PTPRK: variants seen among roughly 807,000 people sequenced by gnomAD.
The protein encoded by PTPRK is receptor-type tyrosine-protein phosphatase kappa.
A neutral mutation model predicts 178.0 loss-of-function variants in PTPRK; 75 were observed. That is an observed-to-expected ratio of 0.42 (90% CI 0.35 to 0.51). The LOEUF is 0.51. Ranked by LOEUF, PTPRK falls within the 20% of genes least tolerant of loss-of-function variation. The probability of loss-of-function intolerance (pLI) is 0.02; values close to 1 mark genes in which losing one functional copy is unlikely to be tolerated. For synonymous variants in PTPRK, 637 were observed against 620.6 expected (o/e 1.03, Z -0.39); for missense variants, 1,441 against 1,797.8 (o/e 0.80, Z 3.59).
In PTPRK at chr6:128,390,829, G is replaced by C. The variant is rs140028714; in HGVS notation, c.223+6737C>G. Among the ~76,000 whole-genome samples, 846 of 152,194 alleles carry C rather than the reference G, an allele frequency of 5.6e-3. 3 individuals are homozygous for C. Among genetic ancestry groups the C allele is most frequent in the South Asian group, 0.023 (112 of 4,822 alleles). On this transcript the variant is annotated intron_variant, in intron 2 of 29. Transcript: ENST00000368226. ...ATTAGAAGATACATGTCATGTCCCT[G>C]GTATAGTAAAACTCAGTAAGTGACC...
rs150783549 is a variant in PTPRK, at chr6:128,277,921, C to T, written c.496-35319G>A. 2.2e-3 allele frequency among the ~76,000 whole-genome samples: 337 copies of T among 151,996 alleles called. 1 individual carries two copies. The highest frequency in any genetic ancestry group is 4.0e-3 in the Non-Finnish European group (269 of 67,940). On this transcript the variant is annotated intron_variant, in intron 3 of 29. Transcript: ENST00000368226. ...GACAAAAATGGGCATGATATGAGAA[C>T]ATGAGAACAAATACAGTCCAAATAT...
chr6:128,098,464 A>G (rs1788257120), intron 7 of PTPRK, among the ~76,000 whole-genome samples: 1 of 152,130 alleles, frequency 6.6e-6, no homozygotes, highest in Admixed American at 6.6e-5. Context: ...CATGTGGAAC[A>G]GAGCCAAGTT....
At chr6:128,321,102 G>C (rs973215520) in intron 3 of PTPRK, 1 of 151,970 alleles carries the variant, frequency 6.6e-6, no homozygotes, top group East Asian at 1.9e-4. Flanking sequence ...CTAACTTAAA[G>C]ACATAATTCA....
At chr6:128,066,014 C>T (rs1582820433) in intron 12 of PTPRK, among the ~76,000 whole-genome samples, 3 of 152,050 alleles carry the variant, frequency 2.0e-5, no homozygotes, top group African/African-American at 7.3e-5. Flanking sequence ...TATCAAAAAG[C>T]TTTAAAGAAT....
intron 13 of PTPRK, among the ~76,000 whole-genome samples, chr6:128,020,862 G>T (rs1330699983): frequency 1.3e-5 from 2 of 152,166 alleles, no homozygotes; most frequent in East Asian, 1.9e-4. Flanking sequence ...TTCCACCAAG[G>T]CTTCGATAAT....
chr6:128,121,715 T>C (rs564307728), intron 7 of PTPRK, among the ~76,000 whole-genome samples: 1 of 152,162 alleles, frequency 6.6e-6, no homozygotes, highest in East Asian at 1.9e-4. Context: ...TTGGACTCTG[T>C]ACCTTCCAAA....
At chr6:128,489,313 T>A (rs983688509) in intron 1 of PTPRK, among the ~76,000 whole-genome samples, 6 of 152,206 alleles carry the variant, frequency 3.9e-5, no homozygotes, top group Non-Finnish European at 7.3e-5. Flanking sequence ...AAAAACTGCA[T>A]AAATTGTTCC....
chr6:128,332,422 C>T (rs1024057148), intron 2 of PTPRK, among the ~76,000 whole-genome samples: 3 of 152,188 alleles, frequency 2.0e-5, no homozygotes, highest in Admixed American at 2.0e-4. Context: ...TGTCTTGTTT[C>T]CTCATCTTGA....
chr6:128,108,286 C>T (rs569937595), intron 7 of PTPRK, among the ~76,000 whole-genome samples: 4 of 152,102 alleles, frequency 2.6e-5, no homozygotes, highest in African/African-American at 9.6e-5. Flanking sequence ...ATAGCTAAGA[C>T]ATTATCAATA....
chr6:128,068,916 AAG>A (rs1424671632), intron 11 of PTPRK, among the ~76,000 whole-genome samples: 1 of 151,586 alleles, frequency 6.6e-6, no homozygotes, highest in Non-Finnish European at 1.5e-5. Flanking sequence ...ATGAAAAAGA[AAG>A]AGGTGGGTAG....
chr6:128,197,969 A>C (rs1488779488), intron 6 of PTPRK, among the ~76,000 whole-genome samples: 1 of 152,214 alleles, frequency 6.6e-6, no homozygotes, highest in East Asian at 1.9e-4. Flanking sequence ...CCAATTTTCA[A>C]TTAGCCAGTG....
At chr6:128,471,056 T>C (rs1484009889) in intron 1 of PTPRK, among the ~76,000 whole-genome samples, 2 of 152,034 alleles carry the variant, frequency 1.3e-5, no homozygotes, top group Non-Finnish European at 1.5e-5. Context: ...TGATAATGCC[T>C]TCAATAAATA....
intron 2 of PTPRK, among the ~76,000 whole-genome samples, chr6:128,378,122 T>G (rs1316059534): frequency 6.6e-6 from 1 of 152,132 alleles, no homozygotes; most frequent in South Asian, 2.1e-4. Flanking sequence ...ATATAAACCA[T>G]AAGTTACTTT....
intron 21 of PTPRK, among the ~76,000 whole-genome samples, chr6:127,986,964 G>A (rs908766012): frequency 6.6e-6 from 1 of 152,018 alleles, no homozygotes; most frequent in Non-Finnish European, 1.5e-5. Flanking sequence ...ACAATGATAA[G>A]CATCACCATG....
At chr6:128,178,464 T>G (rs937662447) in intron 7 of PTPRK, among the ~76,000 whole-genome samples, 2 of 151,912 alleles carry the variant, frequency 1.3e-5, no homozygotes, top group Non-Finnish European at 2.9e-5. Flanking sequence ...TTTTTTCATG[T>G]GTATTAATAT....
At chr6:128,484,611 CCTGA>C (rs1316187998) in intron 1 of PTPRK, among the ~76,000 whole-genome samples, 1 of 152,050 alleles carries the variant, frequency 6.6e-6, no homozygotes, top group Non-Finnish European at 1.5e-5. Context: ...GAAACTATTT[CCTGA>C]CTAATATTTT....
At chr6:128,141,333 T>C (rs1364579971) in intron 7 of PTPRK, among the ~76,000 whole-genome samples, 2 of 151,818 alleles carry the variant, frequency 1.3e-5, no homozygotes, top group Non-Finnish European at 2.9e-5. Flanking sequence ...TAATAATATA[T>C]TTTAACAAAC....
chr6:128,112,810 T>G (rs1219026260), intron 7 of PTPRK, among the ~76,000 whole-genome samples: 1 of 152,144 alleles, frequency 6.6e-6, no homozygotes, highest in African/African-American at 2.4e-5. Flanking sequence ...TCTTTTGCTT[T>G]CACTTTGTTG....
intron 7 of PTPRK, among the ~76,000 whole-genome samples, chr6:128,142,091 A>G (rs780185848): frequency 1.4e-4 from 22 of 151,960 alleles, no homozygotes; most frequent in Non-Finnish European, 3.2e-4. Flanking sequence ...ATATACATAC[A>G]TATATGCATA....
Sources: gnomAD v4.1 joint callset for allele counts (sites outside exome capture counted in the v4.1 genomes callset) on GRCh38, gnomAD v4.1.1 for gene constraint, MANE v1.5 for transcripts, NCBI Gene and HGNC (gene_info 2026-07-23, HGNC 2026-07-21) for gene names.